Variants in SFMBT1 observed in about 807,000 individuals in gnomAD.
The protein encoded by SFMBT1 is scm-like with four MBT domains protein 1.
A neutral mutation model predicts 108.7 loss-of-function variants in SFMBT1; 32 were observed. That is an observed-to-expected ratio of 0.29 (90% CI 0.22 to 0.40). The LOEUF (loss-of-function observed/expected upper bound fraction) is 0.40. Among genes scored for constraint, SFMBT1 ranks in the 10% least tolerant of loss-of-function variants. The pLI, the probability that SFMBT1 is intolerant of heterozygous loss-of-function variation, is 1.00. For synonymous variants in SFMBT1, 348 were observed against 369.5 expected, an observed-to-expected ratio of 0.94 and a Z score of 0.67; for missense variants, 816 against 1,059.6, an observed-to-expected ratio of 0.77 and a Z score of 3.19.
At chr3:53,023,623 C>T (rs1172277864) in intron 1 of SFMBT1, among the ~76,000 whole-genome samples, 2 of 152,168 alleles carry the variant, frequency 1.3e-5, no homozygotes, top group East Asian at 1.9e-4. Context: ...ATTTCCAAAC[C>T]CCCCGTCAGC....
At chr3:52,952,551 A>AAT (rs879758286) in intron 3 of SFMBT1, among the ~76,000 whole-genome samples, 4 of 152,090 alleles carry the variant, frequency 2.6e-5, no homozygotes, top group Non-Finnish European at 5.9e-5. Flanking sequence ...AAACAACAGA[A>AAT]ATTTACTGCT....
intron 8 of SFMBT1, among the ~76,000 whole-genome samples, chr3:52,928,870 A>AT (rs1702771194): frequency 6.6e-6 from 1 of 150,866 alleles, no homozygotes; most frequent in South Asian, 2.1e-4. Flanking sequence ...TGCCCAGCTA[A>AT]TTTTTTTTAA....
intron 11 of SFMBT1, 118 bp downstream of exon 11, chr3:52,921,587 C>A (rs1702520498): frequency 2.6e-6 from 3 of 1,150,212 alleles, no homozygotes; most frequent in Non-Finnish European, 1.2e-6. Context: ...TTACAAAAGT[C>A]TCTGAACAAG....
At chr3:52,968,737 C>T (rs779906933) in intron 2 of SFMBT1, among the ~76,000 whole-genome samples, 1 of 151,878 alleles carries the variant, frequency 6.6e-6, no homozygotes, top group Non-Finnish European at 1.5e-5. Context: ...ACTACAGGCA[C>T]CCGTCACCAC....
At chr3:52,930,553 T>A (rs1421913896) in intron 7 of SFMBT1, 123 bp from the exon 8 acceptor site, 3 of 634,584 alleles carry the variant, frequency 4.7e-6, no homozygotes, top group East Asian at 2.7e-5. Flanking sequence ...TTCTTTTTTT[T>A]AAATGTGCAA....
At chr3:53,023,284 A>C (rs1303418993) in intron 1 of SFMBT1, among the ~76,000 whole-genome samples, 2 of 152,334 alleles carry the variant, frequency 1.3e-5, no homozygotes, top group Non-Finnish European at 2.9e-5. Flanking sequence ...AATCACACTA[A>C]GAGATCAGGG....
At chr3:52,954,717 C>T (rs1221915581) in intron 2 of SFMBT1, among the ~76,000 whole-genome samples, 1 of 152,198 alleles carries the variant, frequency 6.6e-6, no homozygotes, top group African/African-American at 2.4e-5. Flanking sequence ...TAAACCATTA[C>T]TATCACTTTG....
At chr3:53,026,264 C>T (rs1449747719) in intron 1 of SFMBT1, among the ~76,000 whole-genome samples, 1 of 152,164 alleles carries the variant, frequency 6.6e-6, no homozygotes, top group African/African-American at 2.4e-5. Flanking sequence ...AACCTGCTAT[C>T]CCACCAAAAT....
chr3:52,943,408 A>T lies in SFMBT1; in HGVS notation c.309T>A (p.Asp103Glu). ...GCTCACACCACCCAATGGGGTAGAGATCAGCCTTCCTGATGTCACACCAGA... is the reference window on the plus strand; with the variant it reads ...GCTCACACCACCCAATGGGGTAGAGTTCAGCCTTCCTGATGTCACACCAGA... ...ADFWCDIRKA[D>E]LYPIGWCEQN... The change falls in exon 4 of 21, where the codon GAT becomes GAA. Residue 103 changes from aspartate to glutamate, a missense_variant. Asp to Glu is a conservative substitution (Grantham distance 45, BLOSUM62 2). Around this residue, in one of 5 missense-constraint regions of SFMBT1, gnomAD observed 495 missense variants for 607.4 expected, o/e 0.81. Coordinates refer to ENST00000394752, the MANE Select transcript of SFMBT1 (RefSeq NM_016329.4). 2 of 1,614,228 alleles carry T rather than the reference A, an allele frequency of 1.2e-6. No homozygotes were observed. Among genetic ancestry groups the T allele is most frequent in the Non-Finnish European group, 1.7e-6 (2 of 1,180,038 alleles).
intron 1 of SFMBT1, among the ~76,000 whole-genome samples, chr3:52,974,952 C>A (rs1160173872): frequency 6.6e-6 from 1 of 151,406 alleles, no homozygotes; most frequent in African/African-American, 2.4e-5. Context: ...TTGCAGTGAG[C>A]CAAGTTTGCG....
intron 1 of SFMBT1, among the ~76,000 whole-genome samples, chr3:53,004,067 A>T (rs1010424360): frequency 2.0e-5 from 3 of 150,046 alleles, no homozygotes; most frequent in Non-Finnish European, 4.5e-5. Context: ...TTTAACTCAA[A>T]AAGAAGGAAT....
intron 14 of SFMBT1, 119 bp from the exon 15 acceptor site, chr3:52,913,736 G>T: frequency 4.6e-6 from 5 of 1,086,260 alleles, no homozygotes; most frequent in Non-Finnish European, 5.1e-6. Flanking sequence ...ATAAAGTTTG[G>T]AATTACTTAT....
At chr3:52,961,030 T>G (rs1315797009) in intron 2 of SFMBT1, among the ~76,000 whole-genome samples, 2 of 152,152 alleles carry the variant, frequency 1.3e-5, no homozygotes, top group African/African-American at 2.4e-5. Context: ...TCCCAGCTAC[T>G]TGAGAGGCTG....
chr3:52,943,463 T>A lies in SFMBT1; in HGVS notation c.254A>T (p.Asp85Val). ...TCEQLLLLRY[D>V]GYGEDRRADF... Reference sequence around the variant, plus strand: ...TGCTCTCCGATCCTCCCCATAGCCATCATAGCGGAGAAGGAGCAACTGCTC... The same window carrying A: ...TGCTCTCCGATCCTCCCCATAGCCAACATAGCGGAGAAGGAGCAACTGCTC... The change falls in exon 4 of 21, where the codon GAT becomes GTT. Residue 85 changes from aspartate (D) to valine (V), a missense_variant. Asp to Val is a radical substitution (Grantham distance 152, BLOSUM62 -3). Coordinates refer to ENST00000394752, the MANE Select transcript of SFMBT1 (RefSeq NM_016329.4). 1 of 1,614,162 alleles carries A rather than the reference T, an allele frequency of 6.2e-7. No individual in the cohort carries two copies. Among genetic ancestry groups the A allele is most frequent in the Non-Finnish European group, 8.5e-7 (1 of 1,180,020 alleles).
intron 3 of SFMBT1, among the ~76,000 whole-genome samples, chr3:52,950,164 CTTT>C (rs1217435082): frequency 1.3e-5 from 2 of 151,652 alleles, no homozygotes; most frequent in African/African-American, 2.4e-5. Context: ...TTGCCTTCTT[CTTT>C]GTTTCCATTT....
chr3:52,942,530 T>A (rs1230528304), intron 4 of SFMBT1, among the ~76,000 whole-genome samples: 4 of 152,148 alleles, frequency 2.6e-5, no homozygotes, highest in African/African-American at 9.7e-5. Flanking sequence ...TTCTTTCTTT[T>A]GAGACAGAAT....
chr3:52,907,947 G>T (rs1702114336), intron 17 of SFMBT1, among the ~76,000 whole-genome samples: 1 of 152,128 alleles, frequency 6.6e-6, no homozygotes, highest in South Asian at 2.1e-4. Flanking sequence ...CTTCAACCCA[G>T]AAAGCTCCCA....
intron 1 of SFMBT1, among the ~76,000 whole-genome samples, chr3:52,983,167 C>A (rs1704778992): frequency 6.6e-6 from 1 of 152,168 alleles, no homozygotes; most frequent in African/African-American, 2.4e-5. Context: ...CAACACCAAC[C>A]TCTCCTCTTA....
At chr3:52,962,401 A>C (rs1703990052) in intron 2 of SFMBT1, among the ~76,000 whole-genome samples, 1 of 152,246 alleles carries the variant, frequency 6.6e-6, no homozygotes, top group Admixed American at 6.5e-5. Flanking sequence ...GTTGCTGTAA[A>C]GCAATGAGAA....
Sources: gnomAD v4.1 joint callset for allele counts (sites outside exome capture counted in the v4.1 genomes callset) on GRCh38, gnomAD v4.1.1 for gene constraint, gnomAD v4.1.1 regional missense constraint, MANE v1.5 for transcripts, NCBI Gene and HGNC (gene_info 2026-07-23, HGNC 2026-07-21) for gene names.